NCOA1: variants seen among roughly 807,000 people sequenced by gnomAD.
NCOA1 encodes Hin-2 protein.
A neutral mutation model predicts 150.9 loss-of-function variants in NCOA1; 35 were observed. That is an observed-to-expected ratio of 0.23 (90% confidence interval 0.18 to 0.31). The LOEUF is 0.31. NCOA1 is among the 10% of genes least tolerant of loss of function. NCOA1 has a pLI of 1.00. For missense variants in NCOA1, 1,491 were observed against 1,749.3 expected (o/e 0.85, Z 2.63); for synonymous variants, 590 against 630.0 (o/e 0.94, Z 0.95).
chr2:24,565,366 G>T (rs987366350), intron 2 of NCOA1, among the ~76,000 whole-genome samples: 4 of 152,148 alleles, frequency 2.6e-5, no homozygotes, highest in African/African-American at 9.7e-5. Flanking sequence ...GTCAGAGTTT[G>T]TTGATTTCTC....
intron 1 of NCOA1, among the ~76,000 whole-genome samples, chr2:24,536,474 C>CGG: frequency 1.3e-5 from 2 of 152,316 alleles, no homozygotes; most frequent in South Asian, 4.1e-4. Flanking sequence ...AAGTCATTCT[C>CGG]CATCCAGCTC....
intron 1 of NCOA1, among the ~76,000 whole-genome samples, 68 bp downstream of exon 1, chr2:24,491,670 A>G (rs1324102559): frequency 6.7e-6 from 1 of 150,126 alleles, no homozygotes; most frequent in Non-Finnish European, 1.5e-5. Context: ...GCGGCCGCGG[A>G]GGCCCTAGGG....
intron 17 of NCOA1, among the ~76,000 whole-genome samples, chr2:24,737,447 T>C (rs1663371417): frequency 6.6e-6 from 1 of 152,226 alleles, no homozygotes; most frequent in Non-Finnish European, 1.5e-5. Context: ...TATTACTACT[T>C]GTCAGGCATC....
intron 3 of NCOA1, among the ~76,000 whole-genome samples, chr2:24,625,832 T>C (rs1464913828): frequency 6.6e-6 from 1 of 152,122 alleles, no homozygotes; most frequent in Non-Finnish European, 1.5e-5. Context: ...CTAAATGTCT[T>C]ACTGTTACTG....
At chr2:24,517,156 A>G (rs1049263248) in intron 1 of NCOA1, among the ~76,000 whole-genome samples, 1 of 151,398 alleles carries the variant, frequency 6.6e-6, no homozygotes, top group African/African-American at 2.4e-5. Flanking sequence ...TGCCCCATTT[A>G]CACACTTATT....
intron 7 of NCOA1, among the ~76,000 whole-genome samples, chr2:24,677,150 C>T (rs1033027482): frequency 1.3e-5 from 2 of 151,996 alleles, no homozygotes; most frequent in African/African-American, 2.4e-5. Flanking sequence ...TTGAGACCAG[C>T]CTGGCCAACA....
rs1280288364 is a variant in NCOA1, at chr2:24,510,533, G to C, written c.-396+18931G>C. Among the ~76,000 whole-genome samples, 6 of 151,682 alleles carry C rather than the reference G, an allele frequency of 4.0e-5. No homozygotes were observed. In the East Asian group the frequency reaches 9.8e-4, roughly 25 times the overall value. On this transcript the variant is annotated intron_variant, in intron 1 of 22. Coordinates refer to ENST00000348332, the MANE Select transcript of NCOA1 (RefSeq NM_003743.5). ...AATTTTTAAATTTTTTGTTAAGATGGGTTCTCCCTGTGTTGCCCAGGCTGG... is the reference window on the plus strand; with the variant it reads ...AATTTTTAAATTTTTTGTTAAGATGCGTTCTCCCTGTGTTGCCCAGGCTGG...
intron 6 of NCOA1, among the ~76,000 whole-genome samples, chr2:24,667,426 G>A (rs141643321): frequency 1.4e-3 from 218 of 152,086 alleles, no homozygotes; most frequent in Non-Finnish European, 2.2e-3. Flanking sequence ...TATTTAATGT[G>A]AACAAAAAGC....
chr2:24,758,363 C>G (rs1664607049), intron 21 of NCOA1, among the ~76,000 whole-genome samples: 1 of 130,874 alleles, frequency 7.6e-6, no homozygotes, highest in South Asian at 2.6e-4. Context: ...TGGAGTCTCA[C>G]TTTGTCACCC....
intron 14 of NCOA1, among the ~76,000 whole-genome samples, chr2:24,715,443 A>G (rs542299840): frequency 2.0e-3 from 302 of 152,310 alleles, no homozygotes; most frequent in African/African-American, 7.0e-3. Context: ...GGCTAAAGTT[A>G]AAAATGCATT....
chr2:24,690,867 A>G (rs1242851818), intron 8 of NCOA1, among the ~76,000 whole-genome samples: 1 of 152,052 alleles, frequency 6.6e-6, no homozygotes, highest in Non-Finnish European at 1.5e-5. Flanking sequence ...ACATAATAAT[A>G]TTGATTATCC....
chr2:24,503,896 A>G (rs868577752), intron 1 of NCOA1, among the ~76,000 whole-genome samples: 1 of 151,970 alleles, frequency 6.6e-6, no homozygotes, highest in Non-Finnish European at 1.5e-5. Flanking sequence ...CACCACACAC[A>G]GCTAGTTTTT....
At chr2:24,693,786 C>T (rs1451091614) in intron 10 of NCOA1, among the ~76,000 whole-genome samples, 1 of 151,076 alleles carries the variant, frequency 6.6e-6, no homozygotes, top group Non-Finnish European at 1.5e-5. Context: ...GATTGAGTCC[C>T]TAGAAGTGCC....
At chr2:24,687,725 C>T (rs920843039) in intron 8 of NCOA1, among the ~76,000 whole-genome samples, 2 of 152,136 alleles carry the variant, frequency 1.3e-5, no homozygotes, top group Non-Finnish European at 2.9e-5. Flanking sequence ...ATGGGGGGAG[C>T]TGCCCCCATG....
Position 24,762,588 on chromosome 2 carries a change from C to T in NCOA1, c.4066-99C>T. On this transcript the variant is annotated intron_variant, in intron 21 of 22. Coordinates refer to ENST00000348332, the MANE Select transcript of NCOA1 (RefSeq NM_003743.5). ...TAAGCTTTTCATTTTTGCTGTGCTC[C>T]TATTACTTTTCTGTCAGTGAGATTG... 3.0e-6 allele frequency: 3 copies of T among 1,014,170 alleles called. No homozygotes were observed. In the Admixed American group the frequency reaches 5.6e-5, roughly 19 times the overall value. 62.8% of individuals were successfully genotyped at this position (1,014,170 alleles called of 1,614,324 possible).
chr2:24,750,351 T>C (rs1427282311), intron 19 of NCOA1, among the ~76,000 whole-genome samples: 1 of 152,158 alleles, frequency 6.6e-6, no homozygotes, highest in Non-Finnish European at 1.5e-5. Context: ...AAAATTACCA[T>C]AAAGTCGCAA....
intron 14 of NCOA1, among the ~76,000 whole-genome samples, chr2:24,714,155 C>T (rs1014583633): frequency 6.6e-6 from 1 of 152,100 alleles, no homozygotes; most frequent in African/African-American, 2.4e-5. Context: ...AGTGGATTTA[C>T]CCTAGACCTG....
intron 3 of NCOA1, among the ~76,000 whole-genome samples, chr2:24,631,940 A>T (rs1572516737): frequency 6.6e-6 from 1 of 152,214 alleles, no homozygotes; most frequent in African/African-American, 2.4e-5. Context: ...AATTAAGGTG[A>T]TAATATATAC....
At chr2:24,645,716 T>C (rs1369212915) in intron 4 of NCOA1, among the ~76,000 whole-genome samples, 1 of 152,188 alleles carries the variant, frequency 6.6e-6, no homozygotes, top group Non-Finnish European at 1.5e-5. Context: ...TGAAATCCTA[T>C]ATGCTCCCGT....
Sources: allele counts gnomAD v4.1 joint callset (sites outside exome capture counted in the v4.1 genomes callset), GRCh38; gene constraint gnomAD v4.1.1; transcripts MANE v1.5; gene names NCBI Gene and HGNC (gene_info 2026-07-23, HGNC 2026-07-21).